Variants in SEMA3E observed in about 807,000 individuals in gnomAD.
SEMA3E encodes the protein semaphorin-3E.
A neutral mutation model predicts 93.6 loss-of-function variants in SEMA3E; 49 were observed. The ratio of observed to expected loss-of-function variants is 0.52; its 90% confidence interval spans 0.42 to 0.66. The LOEUF (loss-of-function observed/expected upper bound fraction) is 0.66. Ranked by LOEUF, SEMA3E falls within the 30% of genes least tolerant of loss-of-function variation. SEMA3E has a pLI of 0.00. For synonymous variants in SEMA3E, 363 were observed against 330.7 expected (o/e 1.10, Z -1.06); for missense variants, 906 against 964.8 (o/e 0.94, Z 0.81).
At chr7:83,598,835 T>G (rs2115973152) in intron 1 of SEMA3E, among the ~76,000 whole-genome samples, 1 of 152,338 alleles carries the variant, frequency 6.6e-6, no homozygotes, top group East Asian at 1.9e-4. Flanking sequence ...TACACCTAAG[T>G]GTATATAAAT....
intron 1 of SEMA3E, among the ~76,000 whole-genome samples, chr7:83,535,043 T>C (rs1791386064): frequency 6.6e-6 from 1 of 152,142 alleles, no homozygotes; most frequent in Non-Finnish European, 1.5e-5. Context: ...GGAATAAAAT[T>C]GTTTTGTTTC....
rs1297174102 is a variant in SEMA3E, at chr7:83,648,467, C to T, written c.76G>A (p.Ala26Thr). ...CGTAACCGGGGGTGGGTAGTATCAG[C>T]TGTATGACCTCCTGTCCAAAGCTCC... ...LLELWTGGHT[A>T]DTTHPRLRLS... is the part of the protein sequence containing the mutation. The change falls in exon 1 of 17, where the codon GCT (alanine) becomes ACT (threonine). Residue 26 changes from alanine to threonine, a missense_variant. Coordinates refer to ENST00000643230, the MANE Select transcript of SEMA3E (RefSeq NM_012431.3). The T allele has an allele frequency of 6.2e-7, 1 of 1,610,982 alleles. No homozygotes were observed. The highest frequency in any genetic ancestry group is 1.7e-5 in the Admixed American group (1 of 59,554).
At chr7:83,540,173 G>A (rs549097107) in intron 1 of SEMA3E, among the ~76,000 whole-genome samples, 3 of 152,224 alleles carry the variant, frequency 2.0e-5, no homozygotes, top group South Asian at 2.1e-4. Flanking sequence ...ATGAGCCACT[G>A]CTCCTGGCCT....
intron 1 of SEMA3E, among the ~76,000 whole-genome samples, chr7:83,523,286 G>A (rs906624562): frequency 4.6e-5 from 7 of 152,126 alleles, no homozygotes; most frequent in Non-Finnish European, 1.0e-4. Flanking sequence ...GTTTTTACTC[G>A]TGTTTGTCCC....
intron 1 of SEMA3E, among the ~76,000 whole-genome samples, chr7:83,495,606 TTTTTAATATGTTC>T (rs1362590702): frequency 2.0e-5 from 3 of 151,872 alleles, no homozygotes; most frequent in East Asian, 3.8e-4. Context: ...AAACAAATTG[TTTTTAATATGTTC>T]TTTTAATATG....
chr7:83,410,258 G>T (rs1301622746), intron 5 of SEMA3E, among the ~76,000 whole-genome samples: 1 of 151,876 alleles, frequency 6.6e-6, no homozygotes, highest in Non-Finnish European at 1.5e-5. Context: ...TTAACAATTG[G>T]TGAATCAAGG....
rs548017858 is a variant in SEMA3E at position 83,545,215 on chromosome 7, C to A, written c.116-54941G>T. 1.1e-4 allele frequency among the ~76,000 whole-genome samples: 17 copies of A among 152,122 alleles called. 1 individual carries two copies. The South Asian group carries it at 2.5e-3, about 22-fold the overall frequency. Reference sequence around the variant, plus strand: ...GAAACGGGAGCCATAATTGAATAAGCTACATGGGGGCATAGCCCATCTAGA... The same window carrying A: ...GAAACGGGAGCCATAATTGAATAAGATACATGGGGGCATAGCCCATCTAGA... On this transcript the variant is annotated intron_variant, in intron 1 of 16. Transcript: ENST00000643230.
In SEMA3E at chr7:83,458,153, CAT is replaced by C. The variant is rs1347955988; in HGVS notation, c.456+8327_456+8328del. On this transcript the variant is annotated intron_variant, in intron 4 of 16. Coordinates refer to ENST00000643230, the MANE Select transcript of SEMA3E (RefSeq NM_012431.3). ...ATTGGAATTTGAAATAATATTCAATCATATTTAAAGATTCTAATATGACTCAA... is the reference window on the plus strand; with the variant it reads ...ATTGGAATTTGAAATAATATTCAATCATTTAAAGATTCTAATATGACTCAA... 2.0e-5 allele frequency among the ~76,000 whole-genome samples: 3 copies of C among 151,378 alleles called. No homozygotes were observed. In the East Asian group the frequency reaches 5.8e-4, roughly 29 times the overall value.
chr7:83,528,436 C>T (rs1008488343), intron 1 of SEMA3E, among the ~76,000 whole-genome samples: 9 of 152,062 alleles, frequency 5.9e-5, no homozygotes, highest in Admixed American at 5.2e-4. Context: ...TATGAGAGAT[C>T]AGACCATGAA....
At chr7:83,528,414 CT>C (rs1382645624) in intron 1 of SEMA3E, among the ~76,000 whole-genome samples, 1 of 152,036 alleles carries the variant, frequency 6.6e-6, no homozygotes, top group African/African-American at 2.4e-5. Flanking sequence ...CTGTTTAAGA[CT>C]AGCTGGGATT....
At chr7:83,530,486 G>T (rs900946167) in intron 1 of SEMA3E, among the ~76,000 whole-genome samples, 6 of 152,114 alleles carry the variant, frequency 3.9e-5, no homozygotes, top group Admixed American at 3.3e-4. Flanking sequence ...AATCACTGAA[G>T]AATTTTACAA....
chr7:83,641,884 G>A (rs1794016365), intron 1 of SEMA3E, among the ~76,000 whole-genome samples: 1 of 152,140 alleles, frequency 6.6e-6, no homozygotes, highest in African/African-American at 2.4e-5. Context: ...ACAGTAATCT[G>A]CATTATCTCA....
intron 1 of SEMA3E, among the ~76,000 whole-genome samples, chr7:83,494,167 G>A (rs1223007838): frequency 1.3e-5 from 2 of 151,750 alleles, no homozygotes; most frequent in East Asian, 3.9e-4. Flanking sequence ...GTTAAGATGA[G>A]TGGGTTGTAA....
At chr7:83,441,072 A>G (rs1789104074) in intron 4 of SEMA3E, among the ~76,000 whole-genome samples, 1 of 152,202 alleles carries the variant, frequency 6.6e-6, no homozygotes, top group African/African-American at 2.4e-5. Context: ...TAGTGAGATT[A>G]AAAAGCATGT....
chr7:83,533,777 A>AAGG (rs149705615), intron 1 of SEMA3E, among the ~76,000 whole-genome samples: 4,118 of 152,008 alleles, frequency 0.027, 181 homozygotes, highest in African/African-American at 0.092. Flanking sequence ...GATTGCAAAT[A>AAGG]AGGAGGAGGA....
rs372211382 is a variant in SEMA3E at position 83,522,238 on chromosome 7, T to G, written c.116-31964A>C. Among the ~76,000 whole-genome samples the G allele has an allele frequency of 3.1e-4, 47 of 152,256 alleles. 1 individual carries two copies. Among genetic ancestry groups the G allele is most frequent in the African/African-American group, 1.1e-3 (44 of 41,560 alleles). ...CTTTCCTTTGTTTCTTTCTATATGT[T>G]TATTTCTAACTTGGTGGGCTTTTAT... is the stretch of plus-strand genomic sequence containing the variant. On this transcript the variant is annotated intron_variant, in intron 1 of 16. Transcript: ENST00000643230.
At chr7:83,388,314 TAAAAAAATAA>T (rs1049148280) in intron 14 of SEMA3E, among the ~76,000 whole-genome samples, 5 of 53,640 alleles carry the variant, frequency 9.3e-5, no homozygotes, top group Admixed American at 3.1e-4. Context: ...TCTCAAAAAA[TAAAAAAATAA>T]AAAAAAATAT....
chr7:83,426,631 C>T (rs1788773568), intron 4 of SEMA3E, among the ~76,000 whole-genome samples: 1 of 152,114 alleles, frequency 6.6e-6, no homozygotes, highest in South Asian at 2.1e-4. Context: ...TACATATACA[C>T]ATGTAACAAA....
At chr7:83,544,866 TA>T (rs1791612747) in intron 1 of SEMA3E, among the ~76,000 whole-genome samples, 1 of 152,042 alleles carries the variant, frequency 6.6e-6, no homozygotes, top group Non-Finnish European at 1.5e-5. Flanking sequence ...CATGTGTATT[TA>T]AAGCCATGAT....
Sources: gnomAD v4.1 joint callset for allele counts (sites outside exome capture counted in the v4.1 genomes callset) on GRCh38, gnomAD v4.1.1 for gene constraint, MANE v1.5 for transcripts, NCBI Gene and HGNC (gene_info 2026-07-23, HGNC 2026-07-21) for gene names.